PCDH11X: variants seen among roughly 807,000 people sequenced by gnomAD.
The protein encoded by PCDH11X is protocadherin-11 X-linked.
PCDH11X carries 18 observed loss-of-function variants against 53.3 expected under a neutral mutation model. That is an observed-to-expected ratio of 0.34 (90% CI 0.23 to 0.50). The LOEUF is 0.50. Among genes scored for constraint, PCDH11X ranks in the 20% least tolerant of loss-of-function variants. The probability of loss-of-function intolerance (pLI) is 0.98; values close to 1 mark genes in which losing one functional copy is unlikely to be tolerated. For synonymous variants in PCDH11X, 279 were observed against 393.3 expected, an observed-to-expected ratio of 0.71 and a Z score of 3.44; for missense variants, 570 against 1,032.4, an observed-to-expected ratio of 0.55 and a Z score of 6.14.
chrX:91,846,161 A>G (rs1443899018), intron 5 of PCDH11X, among the ~76,000 whole-genome samples: 1 of 111,846 alleles, frequency 8.9e-6, no homozygotes, highest in Admixed American at 9.6e-5. Context: ...TGATTAATGT[A>G]AAAAATGGCA....
intron 9 of PCDH11X, among the ~76,000 whole-genome samples, chrX:92,412,418 C>A: frequency 9.7e-6 from 1 of 103,152 alleles, no homozygotes; most frequent in Non-Finnish European, 2.0e-5. Context: ...GTCTCAGAAC[C>A]TACTGAGGTG....
intron 8 of PCDH11X, among the ~76,000 whole-genome samples, chrX:92,283,238 G>A (rs904482491): frequency 1.8e-5 from 2 of 111,508 alleles, no homozygotes; most frequent in South Asian, 3.7e-4. Context: ...AAGTTATGCT[G>A]TAATGGGTTG....
At chrX:91,972,122 T>G (rs2061969469) in intron 6 of PCDH11X, among the ~76,000 whole-genome samples, 1 of 105,719 alleles carries the variant, frequency 9.5e-6, no homozygotes, top group African/African-American at 3.4e-5. Context: ...GTTTCCTGAC[T>G]TTTTAATGAT....
chrX:92,520,419 A>G (rs2074351404), intron 10 of PCDH11X, among the ~76,000 whole-genome samples: 1 of 105,776 alleles, frequency 9.5e-6, no homozygotes, highest in South Asian at 4.4e-4. Context: ...TCTTACCTCA[A>G]TATTGATGGT....
At chrX:91,892,324 A>G (rs993567567) in intron 6 of PCDH11X, among the ~76,000 whole-genome samples, 5 of 106,997 alleles carry the variant, frequency 4.7e-5, no homozygotes, top group African/African-American at 1.7e-4. Context: ...TGTTCAATCA[A>G]TTTTCTACCC....
intron 1 of PCDH11X, among the ~76,000 whole-genome samples, chrX:91,803,152 T>G (rs2147544173): frequency 8.9e-6 from 1 of 111,864 alleles, no homozygotes; most frequent in African/African-American, 3.2e-5. Context: ...ATTGAATGAA[T>G]AGGCATTTTT....
chrX:91,866,609 G>A (rs2147702315), intron 5 of PCDH11X, among the ~76,000 whole-genome samples: 1 of 111,313 alleles, frequency 9.0e-6, no homozygotes, highest in East Asian at 2.9e-4. Flanking sequence ...CAGCAGTTGG[G>A]GGAGGAGAAG....
chrX:92,215,881 A>C, intron 7 of PCDH11X, among the ~76,000 whole-genome samples: 1 of 109,614 alleles, frequency 9.1e-6, no homozygotes, highest in Non-Finnish European at 1.9e-5. Context: ...ATCAGACAGC[A>C]GCATTCGCGG....
At chrX:92,201,350 A>C (rs113876257) in intron 6 of PCDH11X, 25 bp from the exon 7 acceptor site, 1 of 1,185,823 alleles carries the variant, frequency 8.4e-7, no homozygotes, top group Admixed American at 2.3e-5. Flanking sequence ...AGCTTAAAAT[A>C]CTTCTATTTT....
chrX:91,882,419 C>T (rs752135313), intron 6 of PCDH11X, among the ~76,000 whole-genome samples: 21 of 109,911 alleles, frequency 1.9e-4, no homozygotes, highest in African/African-American at 6.3e-4. Context: ...CTGCCAAAAC[C>T]AAGTCTTGCT....
At chrX:92,474,125 G>C (rs2073326954) in intron 10 of PCDH11X, among the ~76,000 whole-genome samples, 1 of 110,751 alleles carries the variant, frequency 9.0e-6, no homozygotes, top group African/African-American at 3.3e-5. Flanking sequence ...ATATATATCT[G>C]AGTGCTGTAG....
At chrX:92,559,746 T>C (rs2075105093) in intron 10 of PCDH11X, among the ~76,000 whole-genome samples, 1 of 110,325 alleles carries the variant, frequency 9.1e-6, no homozygotes, top group South Asian at 3.9e-4. Flanking sequence ...CCCTTGCACA[T>C]TGAGGGAGCA....
intron 6 of PCDH11X, among the ~76,000 whole-genome samples, chrX:91,969,793 C>G: frequency 1.2e-5 from 1 of 81,376 alleles, no homozygotes; most frequent in African/African-American, 5.0e-5. Flanking sequence ...TCGCCCTTGT[C>G]TCAAAAAAAA....
intron 4 of PCDH11X, among the ~76,000 whole-genome samples, chrX:91,829,170 T>G (rs2147605000): frequency 9.0e-6 from 1 of 110,540 alleles, no homozygotes; most frequent in African/African-American, 3.3e-5. Context: ...ATAGATAATT[T>G]AAACACTAAT....
intron 6 of PCDH11X, among the ~76,000 whole-genome samples, chrX:92,154,441 G>A (rs1030657695): frequency 1.9e-5 from 2 of 107,927 alleles, no homozygotes; most frequent in African/African-American, 7.0e-5. Context: ...TGATACGGAA[G>A]TGGGGCAGGG....
chrX:92,291,882 A>AT (rs1401196125), intron 8 of PCDH11X, among the ~76,000 whole-genome samples: 3 of 107,197 alleles, frequency 2.8e-5, no homozygotes, highest in Non-Finnish European at 5.8e-5. Flanking sequence ...ACAAAAAAAA[A>AT]GAGAAAGAAA....
In PCDH11X at chrX:92,419,275, C is replaced by CTTT. The variant is rs200748988; in HGVS notation, c.3343+31352_3343+31354dup. Among the ~76,000 whole-genome samples, 489 of 88,852 alleles carry CTTT rather than the reference C, an allele frequency of 5.5e-3. 5 individuals carry two copies. The highest frequency in any genetic ancestry group is 0.017 in the African/African-American group (401 of 24,094). The allele number at this position is 88,852 out of a possible 115,157, so 77.2% of individuals were successfully genotyped here. On this transcript the variant is annotated intron_variant, in intron 9 of 10. Coordinates refer to ENST00000682573, the MANE Select transcript of PCDH11X (RefSeq NM_032968.5). ...TATGTCTGTTTTCTGTTTTTTTGTT[C>CTTT]TTTTTTTTTTTTGTCTTTTTTTTTC...
chrX:91,881,970 T>A (rs773393131), intron 6 of PCDH11X, among the ~76,000 whole-genome samples: 1 of 111,100 alleles, frequency 9.0e-6, no homozygotes, highest in South Asian at 3.7e-4. Flanking sequence ...AAATAAAATG[T>A]TCTAGTAGAC....
At chrX:91,978,759 CAG>C (rs1249274073) in intron 6 of PCDH11X, among the ~76,000 whole-genome samples, 1 of 112,521 alleles carries the variant, frequency 8.9e-6, no homozygotes, top group Non-Finnish European at 1.9e-5. Context: ...GTGATAAAGA[CAG>C]GGGTCAGGGC....
Sources: allele counts gnomAD v4.1 joint callset (sites outside exome capture counted in the v4.1 genomes callset), GRCh38; gene constraint gnomAD v4.1.1; transcripts MANE v1.5; gene names NCBI Gene and HGNC (gene_info 2026-07-23, HGNC 2026-07-21).